Variants in TSNARE1 observed in about 807,000 individuals in gnomAD.
TSNARE1 encodes the protein t-SNARE domain containing 1.
In TSNARE1, 49 loss-of-function variants were observed where a neutral mutation model predicts 62.0. The observed-to-expected ratio is 0.79, with a 90% CI of 0.63 to 1.00. The LOEUF (loss-of-function observed/expected upper bound fraction) is 1.00. Ranked by LOEUF, TSNARE1 falls within the 50% of genes least tolerant of loss-of-function variation. The probability of loss-of-function intolerance (pLI) is 0.00; values close to 1 mark genes in which losing one functional copy is unlikely to be tolerated. For synonymous variants in TSNARE1, 328 were observed against 294.4 expected, an observed-to-expected ratio of 1.11 and a Z score of -1.17; for missense variants, 755 against 700.1, an observed-to-expected ratio of 1.08 and a Z score of -0.88.
intron 6 of TSNARE1, among the ~76,000 whole-genome samples, chr8:142,325,355 G>A (rs1278281750): frequency 6.6e-6 from 1 of 152,240 alleles, no homozygotes; most frequent in Non-Finnish European, 1.5e-5. Context: ...AGGAACTGAT[G>A]TGATCAGATC....
chr8:142,222,971 CTCACTCACTCAT>C (rs1816493923), intron 13 of TSNARE1, among the ~76,000 whole-genome samples: 1 of 150,438 alleles, frequency 6.6e-6, no homozygotes, highest in African/African-American at 2.5e-5. Context: ...CACTCATTCA[CTCACTCACTCAT>C]TCACTCACTC....
chr8:142,337,439 C>T (rs2129819924), intron 4 of TSNARE1, among the ~76,000 whole-genome samples: 1 of 152,368 alleles, frequency 6.6e-6, no homozygotes, highest in African/African-American at 2.4e-5. Flanking sequence ...GCGAAAGCAT[C>T]CATCGATAAG....
chr8:142,226,983 G>GCCCCCCACT lies in TSNARE1; in HGVS notation c.*11+2489_*11+2490insAGTGGGGGG, dbSNP rs1563760415. 6.1e-3 allele frequency among the ~76,000 whole-genome samples: 658 copies of GCCCCCCACT among 107,062 alleles called. 15 individuals are homozygous for GCCCCCCACT. The highest frequency in any genetic ancestry group is 0.015 in the Middle Eastern group (3 of 194). The allele number at this position is 107,062 out of a possible 152,430, so 70.2% of individuals were successfully genotyped here. A position where few individuals can be genotyped will look rare whatever the true frequency, so the allele number is the denominator to read the frequency against. Reference sequence around the variant, plus strand: ...TGCACCCACACGGCAGTGACAGCAAGGCCCCCCACTGCACCCACACAGCAG... The same window carrying GCCCCCCACT: ...TGCACCCACACGGCAGTGACAGCAAGCCCCCCACTGCCCCCCACTGCACCCACACAGCAG... On this transcript the variant is annotated intron_variant, in intron 13 of 13. Coordinates refer to ENST00000524325, the MANE Select transcript of TSNARE1 (RefSeq NM_145003.5).
rs1447936668 is a variant in TSNARE1 at position 142,300,528 on chromosome 8, C to T, written c.1248G>A (p.Leu416=). 2 of 1,610,976 alleles carry T rather than the reference C, an allele frequency of 1.2e-6. No homozygotes were observed. Among genetic ancestry groups the T allele is most frequent in the Non-Finnish European group, 1.7e-6 (2 of 1,179,954 alleles). Residue 416 remains leucine (L), a synonymous_variant, in exon 10 of 14, where the codon CTG becomes CTA. Coordinates refer to ENST00000524325, the MANE Select transcript of TSNARE1 (RefSeq NM_145003.5). ...CCTCCTCCCGCAGCCGGATGGCCTCCAGGTCCTCTTCAGTGATGTCCGGGA... is the reference window on the plus strand; with the variant it reads ...CCTCCTCCCGCAGCCGGATGGCCTCTAGGTCCTCTTCAGTGATGTCCGGGA... ...ALLPDITEED[L]EAIRLREEAI... is the part of the protein sequence containing the mutation.
chr8:142,271,593 C>A (rs1040185256), intron 12 of TSNARE1: 2 of 1,428,650 alleles, frequency 1.4e-6, no homozygotes, highest in Non-Finnish European at 1.8e-6. Flanking sequence ...GCGTGGAAGA[C>A]TCCTCGTAAG....
intron 7 of TSNARE1, among the ~76,000 whole-genome samples, chr8:142,316,664 C>T (rs372930235): frequency 1.1e-4 from 16 of 151,918 alleles, no homozygotes; most frequent in South Asian, 1.0e-3. Flanking sequence ...AAACCAAGCC[C>T]TGCTCCCAAC....
chr8:142,402,733 G>A (rs1838389978), intron 1 of TSNARE1: 2 of 152,378 alleles, frequency 1.3e-5, no homozygotes, highest in African/African-American at 4.8e-5. Flanking sequence ...GGCGCTCCCC[G>A]GGACGGCACT....
intron 1 of TSNARE1, among the ~76,000 whole-genome samples, chr8:142,361,304 C>T (rs561601268): frequency 4.3e-4 from 65 of 152,316 alleles, no homozygotes; most frequent in Non-Finnish European, 7.8e-4. Context: ...GGGGAGGAAA[C>T]GACAAGGGCA....
At chr8:142,390,508 G>A (rs1459245691) in intron 1 of TSNARE1, among the ~76,000 whole-genome samples, 2 of 73,984 alleles carry the variant, frequency 2.7e-5, no homozygotes, top group African/African-American at 1.7e-4. Flanking sequence ...GCTGTACACT[G>A]CTGGGGACTC....
intron 12 of TSNARE1, among the ~76,000 whole-genome samples, chr8:142,236,589 A>AAATG (rs1296078606): frequency 6.6e-6 from 1 of 150,812 alleles, no homozygotes; most frequent in African/African-American, 2.4e-5. Flanking sequence ...GAGGCTGAAT[A>AAATG]AATGAATGAA....
intron 10 of TSNARE1, among the ~76,000 whole-genome samples, chr8:142,289,006 AC>A (rs1823306809): frequency 6.6e-6 from 1 of 152,124 alleles, no homozygotes; most frequent in Non-Finnish European, 1.5e-5. Context: ...TTTCGAGCGA[AC>A]GCAGCATTTG....
intron 13 of TSNARE1, among the ~76,000 whole-genome samples, chr8:142,226,884 C>G (rs1258103394): frequency 6.6e-6 from 1 of 152,126 alleles, no homozygotes; most frequent in East Asian, 1.9e-4. Flanking sequence ...AGCTGCTGAG[C>G]CTCATCTGGA....
In TSNARE1 at chr8:142,276,800, C is replaced by T. The variant is rs143118662; in HGVS notation, c.1364-1937G>A. 2.3e-3 allele frequency: 2,229 copies of T among 985,402 alleles called. 8 individuals are homozygous for T. The highest frequency in any genetic ancestry group is 5.7e-3 in the Admixed American group (93 of 16,286). The allele number at this position is 985,402 out of a possible 1,614,324, so 61.0% of individuals were successfully genotyped here. A position where few individuals can be genotyped will look rare whatever the true frequency, so the allele number is the denominator to read the frequency against. ...CCTGCTGCTCCAGGGCTGCATGCAC[C>T]GGCCACAGACCCAGGGCGGTCCCAG... On this transcript the variant is annotated intron_variant, in intron 11 of 13. Transcript: ENST00000524325.
chr8:142,229,900 C>A (rs977046652), intron 12 of TSNARE1, among the ~76,000 whole-genome samples: 1 of 152,164 alleles, frequency 6.6e-6, no homozygotes, highest in Admixed American at 6.5e-5. Flanking sequence ...GGCTGTTTCT[C>A]TTCTTGGTAC....
At position 142,270,444 on chromosome 8, in the gene TSNARE1, T is replaced by C. The variant is rs964122359; in HGVS notation, c.1446+4337A>G. On this transcript the variant is annotated intron_variant, in intron 12 of 13. Transcript: ENST00000524325. ...AAGAAAAATCTACAGGTACAAAATG[T>C]CATCCCAGCCCCATACAGTACCAAG... 19 of 984,318 alleles carry C rather than the reference T, an allele frequency of 1.9e-5. No homozygotes were observed. In the African/African-American group the frequency reaches 3.2e-4, roughly 16 times the overall value. The allele number at this position is 984,318 out of a possible 1,614,324, so 61.0% of individuals were successfully genotyped here.
In TSNARE1 at chr8:142,298,765, G is replaced by A. The variant is rs926561228; in HGVS notation, c.1290+1721C>T. The stretch of plus-strand genomic sequence containing the variant: ...GGGCTGAGCCTGAGCCGCCCGAGGG[G>A]CTGTGACTGGACCTTCCCAGGAGGA... On this transcript the variant is annotated intron_variant, in intron 10 of 13. Coordinates refer to ENST00000524325, the MANE Select transcript of TSNARE1 (RefSeq NM_145003.5). Among the ~76,000 whole-genome samples, 10 of 152,168 alleles carry A rather than the reference G, an allele frequency of 6.6e-5. No homozygotes were observed. In the East Asian group the frequency reaches 1.9e-3, roughly 29 times the overall value.
At chr8:142,267,296 C>A (rs1187917350) in intron 12 of TSNARE1, among the ~76,000 whole-genome samples, 1 of 152,142 alleles carries the variant, frequency 6.6e-6, no homozygotes, top group African/African-American at 2.4e-5. Context: ...CCAGAACCTT[C>A]TTCTTGGATC....
intron 12 of TSNARE1, among the ~76,000 whole-genome samples, chr8:142,262,137 GTC>G (rs1254307898): frequency 6.6e-6 from 1 of 152,244 alleles, no homozygotes; most frequent in Non-Finnish European, 1.5e-5. Flanking sequence ...TGGGACAGCA[GTC>G]TCTCTACCTC....
chr8:142,278,724 C>A (rs1302334908), intron 11 of TSNARE1: 1 of 985,240 alleles, frequency 1.0e-6, no homozygotes, highest in Non-Finnish European at 1.2e-6. Context: ...TGGAGTGGGC[C>A]CGTGGGCTCG....
Sources: allele counts gnomAD v4.1 joint callset (sites outside exome capture counted in the v4.1 genomes callset), GRCh38; gene constraint gnomAD v4.1.1; transcripts MANE v1.5; gene names NCBI Gene and HGNC (gene_info 2026-07-23, HGNC 2026-07-21).